The following PACRG variants were observed in gnomAD, a reference collection of about 807,000 sequenced individuals.
PACRG encodes parkin coregulated gene protein.
Under a neutral mutation model 29.7 loss-of-function variants are expected in PACRG, and 29 were observed. The observed-to-expected ratio is 0.98, with a 90% confidence interval of 0.73 to 1.33. The LOEUF (loss-of-function observed/expected upper bound fraction) is 1.33, where lower values mean the gene tolerates loss of function less well. Ranked by LOEUF, PACRG falls within the 40% of genes most tolerant of loss-of-function variation. The pLI, the probability that PACRG is intolerant of heterozygous loss-of-function variation, is 0.00. For synonymous variants in PACRG, 116 were observed against 118.7 expected, an observed-to-expected ratio of 0.98 and a Z score of 0.15; for missense variants, 279 against 316.2, an observed-to-expected ratio of 0.88 and a Z score of 0.89.
intron 2 of PACRG, among the ~76,000 whole-genome samples, chr6:163,020,203 G>T (rs900149420): frequency 1.3e-5 from 2 of 152,204 alleles, no homozygotes; most frequent in African/African-American, 4.8e-5. Flanking sequence ...AGCTGTTACA[G>T]AACTTAATTA....
At chr6:163,177,574 G>A (rs1779429089) in intron 4 of PACRG, among the ~76,000 whole-genome samples, 1 of 152,068 alleles carries the variant, frequency 6.6e-6, no homozygotes, top group Non-Finnish European at 1.5e-5. Flanking sequence ...GTTACAGGAG[G>A]CTGCGGGGAC....
chr6:162,926,970 C>A (rs1797489913), intron 2 of PACRG, among the ~76,000 whole-genome samples: 1 of 152,030 alleles, frequency 6.6e-6, no homozygotes, highest in African/African-American at 2.4e-5. Flanking sequence ...AAAAAACAAA[C>A]AACTCCATCA....
At chr6:163,084,411 C>A (rs1311687648) in intron 3 of PACRG, among the ~76,000 whole-genome samples, 2 of 152,122 alleles carry the variant, frequency 1.3e-5, no homozygotes, top group African/African-American at 4.8e-5. Flanking sequence ...TATCTTAATT[C>A]TCTGAGAATG....
intron 1 of PACRG, among the ~76,000 whole-genome samples, chr6:162,742,719 T>C (rs1402605014): frequency 6.6e-6 from 1 of 152,194 alleles, no homozygotes; most frequent in African/African-American, 2.4e-5. Flanking sequence ...TGCTACACTT[T>C]CTTTAACTAT....
intron 2 of PACRG, among the ~76,000 whole-genome samples, chr6:163,016,881 C>G (rs1389845555): frequency 6.6e-6 from 1 of 151,918 alleles, no homozygotes; most frequent in African/African-American, 2.4e-5. Context: ...TTATTTAGGT[C>G]TGTCTTTTTC....
intron 4 of PACRG, among the ~76,000 whole-genome samples, chr6:163,211,164 T>G (rs1176970270): frequency 6.6e-6 from 1 of 152,158 alleles, no homozygotes; most frequent in East Asian, 1.9e-4. Context: ...AAAGCTGACC[T>G]TTTTTTGACA....
chr6:163,131,201 G>C (rs532029235), intron 4 of PACRG, among the ~76,000 whole-genome samples: 1 of 151,780 alleles, frequency 6.6e-6, no homozygotes, highest in Non-Finnish European at 1.5e-5. Flanking sequence ...CCAGCTACTC[G>C]GGAGGCTGAG....
intron 2 of PACRG, among the ~76,000 whole-genome samples, chr6:163,022,111 T>A (rs1806686415): frequency 6.6e-6 from 1 of 152,164 alleles, no homozygotes; most frequent in Non-Finnish European, 1.5e-5. Flanking sequence ...GCTGCCACAG[T>A]GGGGCAAGTG....
chr6:163,297,937 G>A lies in PACRG; in HGVS notation c.614-16890G>A, dbSNP rs577184006. 1.2e-4 allele frequency among the ~76,000 whole-genome samples: 19 copies of A among 152,226 alleles called. No individual in the cohort carries two copies. The East Asian group carries it at 1.5e-3, about 12-fold the overall frequency. On this transcript the variant is annotated intron_variant, in intron 4 of 4. Coordinates refer to ENST00000366888, the MANE Select transcript of PACRG (RefSeq NM_001080379.2). ...AGCTTCTCACAATGATGGACTGACC[G>A]TGCAGTGTCCTCTGCATTGCTTAAC...
intron 1 of PACRG, among the ~76,000 whole-genome samples, chr6:162,797,478 T>G (rs1331598449): frequency 6.6e-6 from 1 of 152,190 alleles, no homozygotes. Context: ...CTTGATAGTT[T>G]TAAATAACTA....
At chr6:163,260,639 A>G (rs567017478) in intron 4 of PACRG, among the ~76,000 whole-genome samples, 1 of 152,304 alleles carries the variant, frequency 6.6e-6, no homozygotes, top group South Asian at 2.1e-4. Context: ...TTCCCTGGGT[A>G]GAGACAGGGA....
chr6:163,019,694 C>T lies in PACRG; in HGVS notation c.292-42456C>T, dbSNP rs182434819. ...GTCTTAGTGGTCAGAGGTCTGTCCC[C>T]ATTGCCTTATATTTTAAGGACCATG... On this transcript the variant is annotated intron_variant, in intron 2 of 4. Transcript: ENST00000366888. Among the ~76,000 whole-genome samples the T allele has an allele frequency of 1.5e-3, 223 of 152,288 alleles. 1 individual carries two copies. The highest frequency in any genetic ancestry group is 1.4e-3 in the Non-Finnish European group (93 of 68,022).
chr6:162,928,479 TG>T (rs1312309426), intron 2 of PACRG, among the ~76,000 whole-genome samples: 1 of 152,062 alleles, frequency 6.6e-6, no homozygotes, highest in East Asian at 1.9e-4. Flanking sequence ...TTAAATTTTT[TG>T]TATTGATACA....
intron 4 of PACRG, among the ~76,000 whole-genome samples, chr6:163,157,715 C>T (rs1778382269): frequency 6.6e-6 from 1 of 152,228 alleles, no homozygotes; most frequent in East Asian, 1.9e-4. Flanking sequence ...TTTCACTTTA[C>T]TACACCACTA....
intron 2 of PACRG, among the ~76,000 whole-genome samples, chr6:163,044,998 T>A (rs1035875781): frequency 6.6e-6 from 1 of 152,106 alleles, no homozygotes; most frequent in African/African-American, 2.4e-5. Context: ...CTGGGTAAAG[T>A]GAAAAGAAAG....
At position 162,891,377 on chromosome 6, in the gene PACRG, C is replaced by T. The variant is rs150825422; in HGVS notation, c.291+77096C>T. On this transcript the variant is annotated intron_variant, in intron 2 of 4. Transcript: ENST00000366888. ...CTAAAGAGCAGGAAATTTATCCCTC[C>T]CTCATGCACCTGAAGCAAGCTGGTG... Among the ~76,000 whole-genome samples, 69 of 152,218 alleles carry T rather than the reference C, an allele frequency of 4.5e-4. 1 individual carries two copies. The East Asian group carries it at 0.012, about 26-fold the overall frequency.
intron 4 of PACRG, among the ~76,000 whole-genome samples, chr6:163,276,693 T>C (rs1784040548): frequency 6.6e-6 from 1 of 152,204 alleles, no homozygotes; most frequent in South Asian, 2.1e-4. Flanking sequence ...TCTGCCCTCA[T>C]GAATGATATT....
At chr6:162,737,872 ATATTTT>A (rs1445103156) in intron 1 of PACRG, among the ~76,000 whole-genome samples, 2 of 152,056 alleles carry the variant, frequency 1.3e-5, no homozygotes, top group Non-Finnish European at 2.9e-5. Flanking sequence ...TTCCTAATAA[ATATTTT>A]TATATTTATT....
intron 2 of PACRG, among the ~76,000 whole-genome samples, chr6:162,874,168 G>GTA (rs1417216740): frequency 7.5e-6 from 1 of 133,698 alleles, no homozygotes; most frequent in Admixed American, 7.6e-5. Context: ...ATATATATAT[G>GTA]TATATATATG....
Sources: gnomAD v4.1 joint callset for allele counts (sites outside exome capture counted in the v4.1 genomes callset) on GRCh38, gnomAD v4.1.1 for gene constraint, MANE v1.5 for transcripts, NCBI Gene and HGNC (gene_info 2026-07-23, HGNC 2026-07-21) for gene names.